The following SYN3 variants were observed in gnomAD, a reference collection of about 807,000 sequenced individuals.
The protein encoded by SYN3 is synapsin III.
Under a neutral mutation model 65.8 loss-of-function variants are expected in SYN3, and 35 were observed. That is an observed-to-expected ratio of 0.53 (90% CI 0.41 to 0.70). SYN3 has a LOEUF of 0.70. Among genes scored for constraint, SYN3 ranks in the 30% least tolerant of loss-of-function variants. The pLI, the probability that SYN3 is intolerant of heterozygous loss-of-function variation, is 0.00. For synonymous variants in SYN3, 270 were observed against 292.9 expected (o/e 0.92, Z 0.80); for missense variants, 680 against 749.0 (o/e 0.91, Z 1.08).
chr22:32,889,651 T>A (rs956995157), intron 4 of SYN3, among the ~76,000 whole-genome samples: 1 of 152,184 alleles, frequency 6.6e-6, no homozygotes, highest in Non-Finnish European at 1.5e-5. Context: ...TATACATATA[T>A]GCCATTCTGT....
At chr22:32,739,942 C>T (rs1452376023) in intron 6 of SYN3, among the ~76,000 whole-genome samples, 1 of 152,206 alleles carries the variant, frequency 6.6e-6, no homozygotes, top group Non-Finnish European at 1.5e-5. Flanking sequence ...TGTCGGACCA[C>T]TATGAAGTCT....
Position 32,707,794 on chromosome 22 carries a change from T to C in SYN3, c.712-111058A>G, listed in dbSNP as rs180914520. On this transcript the variant is annotated intron_variant, in intron 6 of 13. Transcript: ENST00000358763. ...AAGCCCTGGTGCCACAACAGACCCA[T>C]GGGGAAGGGGCTTGGAGGCACTCTG... Among the ~76,000 whole-genome samples, 924 of 152,260 alleles carry C rather than the reference T, an allele frequency of 6.1e-3. 9 individuals are homozygous for C. The highest frequency in any genetic ancestry group is 0.022 in the African/African-American group (897 of 41,550).
At chr22:33,051,250 C>T (rs776166853) in intron 1 of SYN3, among the ~76,000 whole-genome samples, 1 of 152,060 alleles carries the variant, frequency 6.6e-6, no homozygotes, top group African/African-American at 2.4e-5. Flanking sequence ...AAATTGAGAA[C>T]CCATCACTTA....
At chr22:32,749,577 G>T (rs551249908) in intron 6 of SYN3, among the ~76,000 whole-genome samples, 1 of 152,086 alleles carries the variant, frequency 6.6e-6, no homozygotes, top group Non-Finnish European at 1.5e-5. Flanking sequence ...GGTGGCAGGG[G>T]TTGCAGTGAG....
At chr22:32,519,843 G>A (rs569503992) in intron 12 of SYN3, among the ~76,000 whole-genome samples, 35 of 152,234 alleles carry the variant, frequency 2.3e-4, no homozygotes, top group Middle Eastern at 3.4e-3. Flanking sequence ...TGAGAGCACC[G>A]TAGGCACGTT....
At chr22:33,008,986 AAAAAAG>A (rs146185558) in intron 1 of SYN3, among the ~76,000 whole-genome samples, 1,513 of 149,204 alleles carry the variant, frequency 0.01, 38 homozygotes, top group African/African-American at 0.036. Context: ...AAAGAAAAAG[AAAAAAG>A]AAAAAGAAAA....
At chr22:32,545,365 G>T (rs1181372474) in intron 7 of SYN3, among the ~76,000 whole-genome samples, 1 of 152,200 alleles carries the variant, frequency 6.6e-6, no homozygotes, top group Non-Finnish European at 1.5e-5. Flanking sequence ...GTAAATTTTT[G>T]TGGAATACAT....
chr22:32,790,411 T>TTTATTTAC (rs2145875907), intron 6 of SYN3, among the ~76,000 whole-genome samples: 1 of 102,616 alleles, frequency 9.7e-6, no homozygotes, highest in South Asian at 2.9e-4. Context: ...TTAAACTTTA[T>TTTATTTAC]TTATTTATTT....
intron 4 of SYN3, among the ~76,000 whole-genome samples, chr22:32,891,356 G>A (rs2049440845): frequency 1.3e-5 from 2 of 152,118 alleles, no homozygotes; most frequent in South Asian, 2.1e-4. Context: ...TCTGTTGCTT[G>A]TGCTGAGCCC....
At chr22:32,984,263 C>A (rs1053509072) in intron 2 of SYN3, among the ~76,000 whole-genome samples, 1 of 151,400 alleles carries the variant, frequency 6.6e-6, no homozygotes, top group Non-Finnish European at 1.5e-5. Context: ...TTCATAATGA[C>A]CTTAAAGACT....
intron 10 of SYN3, among the ~76,000 whole-genome samples, chr22:32,530,848 CA>C (rs926244860): frequency 7.3e-5 from 11 of 151,338 alleles, no homozygotes; most frequent in African/African-American, 1.7e-4. Flanking sequence ...ACTAAAAATA[CA>C]AAAAAAATTA....
chr22:32,928,094 G>T (rs145635298), intron 4 of SYN3, among the ~76,000 whole-genome samples: 1 of 152,210 alleles, frequency 6.6e-6, no homozygotes, highest in Non-Finnish European at 1.5e-5. Context: ...ACTTTGGGAG[G>T]CCAAAGTGGG....
chr22:32,628,722 T>C (rs2059704911), intron 6 of SYN3, among the ~76,000 whole-genome samples: 1 of 151,486 alleles, frequency 6.6e-6, no homozygotes, highest in Non-Finnish European at 1.5e-5. Context: ...CACTCCAGCC[T>C]GGGGCACAAG....
chr22:32,761,667 C>G lies in SYN3; in HGVS notation c.711+103248G>C, dbSNP rs147844361. Among the ~76,000 whole-genome samples, 3 of 152,308 alleles carry G rather than the reference C, an allele frequency of 2.0e-5. No individual in the cohort carries two copies. The East Asian group carries it at 5.8e-4, about 29-fold the overall frequency. On this transcript the variant is annotated intron_variant, in intron 6 of 13. Transcript: ENST00000358763. ...CAGAGAGGTCAGGTCCTGCAGATTT[C>G]TTTGGTGATAACAGCTGCTTTGTTT...
rs2046663959 is a variant in SYN3 at position 32,804,191 on chromosome 22, C to T, written c.711+60724G>A. Among the ~76,000 whole-genome samples the T allele has an allele frequency of 2.0e-5, 3 of 152,178 alleles. No homozygotes were observed. In the South Asian group the frequency reaches 6.2e-4, roughly 31 times the overall value. ...AAATCTTCGATGCTCTGGCACGGATCCCAAATTGTTCTGCCTGGGTTTGGT... is the reference window on the plus strand; with the variant it reads ...AAATCTTCGATGCTCTGGCACGGATTCCAAATTGTTCTGCCTGGGTTTGGT... On this transcript the variant is annotated intron_variant, in intron 6 of 13. Transcript: ENST00000358763.
chr22:32,696,211 GAGAGT>G (rs1443439178), intron 6 of SYN3, among the ~76,000 whole-genome samples: 3 of 152,346 alleles, frequency 2.0e-5, no homozygotes, highest in African/African-American at 7.2e-5. Context: ...GGCAAAGAGA[GAGAGT>G]AGAGAAGGTG....
intron 4 of SYN3, among the ~76,000 whole-genome samples, chr22:32,874,663 C>T (rs1017680370): frequency 6.6e-6 from 1 of 152,206 alleles, no homozygotes; most frequent in African/African-American, 2.4e-5. Flanking sequence ...TCATAACTGT[C>T]CCCTGGTCCC....
intron 4 of SYN3, among the ~76,000 whole-genome samples, chr22:32,875,127 G>T (rs1264478200): frequency 1.3e-5 from 2 of 152,216 alleles, no homozygotes; most frequent in African/African-American, 4.8e-5. Context: ...AGGCCAAAAA[G>T]AAATTAGGTG....
At chr22:32,997,236 G>A (rs2052907440) in intron 2 of SYN3, among the ~76,000 whole-genome samples, 1 of 152,188 alleles carries the variant, frequency 6.6e-6, no homozygotes, top group South Asian at 2.1e-4. Flanking sequence ...TATTGGGAGA[G>A]CTAAATTAGA....
Sources: gnomAD v4.1 joint callset for allele counts (sites outside exome capture counted in the v4.1 genomes callset) on GRCh38, gnomAD v4.1.1 for gene constraint, MANE v1.5 for transcripts, NCBI Gene and HGNC (gene_info 2026-07-23, HGNC 2026-07-21) for gene names.